STK3: variants seen among roughly 807,000 people sequenced by gnomAD.
STK3 encodes the protein serine/threonine kinase 3.
A neutral mutation model predicts 58.0 loss-of-function variants in STK3; 41 were observed. The observed-to-expected ratio is 0.71, with a 90% CI of 0.55 to 0.92. STK3 has a LOEUF of 0.92. Ranked by LOEUF, STK3 falls within the 40% of genes least tolerant of loss-of-function variation. The pLI is 0.00. For synonymous variants in STK3, 170 were observed against 191.0 expected (o/e 0.89, Z 0.91); for missense variants, 479 against 602.7 (o/e 0.79, Z 2.15).
intron 3 of STK3, among the ~76,000 whole-genome samples, chr8:98,408,043 T>C (rs1013914962): frequency 9.8e-5 from 15 of 152,304 alleles, no homozygotes; most frequent in Admixed American, 5.9e-4. Flanking sequence ...TGAGACGCAC[T>C]TGATGAGACC....
At chr8:98,609,645 A>G (rs935055753) in intron 6 of STK3, among the ~76,000 whole-genome samples, 5 of 152,208 alleles carry the variant, frequency 3.3e-5, no homozygotes, top group Non-Finnish European at 7.3e-5. Context: ...AATGTATCAG[A>G]AAACTTAAGG....
intron 6 of STK3, among the ~76,000 whole-genome samples, chr8:98,656,187 G>T (rs895597824): frequency 1.4e-4 from 21 of 152,160 alleles, no homozygotes; most frequent in African/African-American, 5.1e-4. Context: ...CCTTTGTAGG[G>T]ACATGGATGA....
At chr8:98,362,255 C>T in the STK3 span, among the ~76,000 whole-genome samples, 1 of 152,064 alleles carries the variant, frequency 6.6e-6, no homozygotes. Context: ...AAGGGAAATG[C>T]CCGGTTTGGA....
chr8:98,738,006 G>T (rs1011304904), intron 4 of STK3, among the ~76,000 whole-genome samples: 1 of 151,992 alleles, frequency 6.6e-6, no homozygotes, highest in African/African-American at 2.4e-5. Context: ...CACCGCACCC[G>T]GCCGAATGAT....
intron 1 of STK3, among the ~76,000 whole-genome samples, chr8:98,447,042 A>C (rs1258324534): frequency 2.0e-5 from 3 of 152,138 alleles, no homozygotes; most frequent in African/African-American, 7.2e-5. Flanking sequence ...AATGATGAGA[A>C]CACATGGACA....
chr8:98,902,000 A>G (rs1838675051), intron 1 of STK3, among the ~76,000 whole-genome samples: 2 of 152,208 alleles, frequency 1.3e-5, no homozygotes. Context: ...CTGCCCAGGA[A>G]GTCTCCAGAA....
At chr8:98,857,082 T>C (rs1260985763) in intron 3 of STK3, among the ~76,000 whole-genome samples, 1 of 152,168 alleles carries the variant, frequency 6.6e-6, no homozygotes, top group Non-Finnish European at 1.5e-5. Context: ...AGAGAGCAGA[T>C]AGCTAAAGAA....
At chr8:98,657,415 G>A (rs150088763) in intron 6 of STK3, among the ~76,000 whole-genome samples, 42 of 152,170 alleles carry the variant, frequency 2.8e-4, no homozygotes, top group Non-Finnish European at 3.1e-4. Context: ...ATGTTTTCTT[G>A]CTTCTCTGAT....
rs574456052 is a variant in STK3 at position 98,672,687 on chromosome 8, C to T, written c.684+33780G>A. ...ATTGCCTCAGTAAATCAAAAGAATGCTTTCCTATTAGCAAAGCCATATAAT... is the reference window on the plus strand; with the variant it reads ...ATTGCCTCAGTAAATCAAAAGAATGTTTTCCTATTAGCAAAGCCATATAAT... On this transcript the variant is annotated intron_variant, in intron 6 of 10. Coordinates refer to ENST00000419617, the MANE Select transcript of STK3 (RefSeq NM_006281.4). 7.1e-4 allele frequency among the ~76,000 whole-genome samples: 108 copies of T among 152,202 alleles called. No homozygotes were observed. In the South Asian group the frequency reaches 0.022, roughly 30 times the overall value.
rs1818746659 is a variant in STK3 at position 98,626,676 on chromosome 8, G to A, written c.685-30507C>T. On this transcript the variant is annotated intron_variant, in intron 6 of 10. Coordinates refer to ENST00000419617, the MANE Select transcript of STK3 (RefSeq NM_006281.4). ...AAAAGAAGTTTAAAAGAAACTAAATGTATTCTAATAAAGTAGAGACAATGA... is the reference window on the plus strand; with the variant it reads ...AAAAGAAGTTTAAAAGAAACTAAATATATTCTAATAAAGTAGAGACAATGA... Among the ~76,000 whole-genome samples, 8 of 152,302 alleles carry A rather than the reference G, an allele frequency of 5.3e-5. No homozygotes were observed. The South Asian group carries it at 1.7e-3, about 32-fold the overall frequency.
At chr8:98,741,284 G>C (rs1446954002) in intron 4 of STK3, among the ~76,000 whole-genome samples, 3 of 152,166 alleles carry the variant, frequency 2.0e-5, no homozygotes, top group Non-Finnish European at 4.4e-5. Flanking sequence ...CAAATCAACA[G>C]AATATACATT....
chr8:98,428,291 G>A lies in STK3; in HGVS notation n.483+5836C>T, dbSNP rs775559463. On this transcript the variant is annotated intron_variant and non_coding_transcript_variant, in intron 3 of 3. Coordinates refer to the STK3 transcript ENST00000517832. The surrounding 1 kb of genome is among the most constrained non-coding windows in gnomAD (Gnocchi z 6.7). The stretch of plus-strand genomic sequence containing the variant: ...TATGTGTCTTCTCCTTCAGCCAGGA[G>A]ATCGAGTACTGGGGCATCAACGAGT... 11 of 1,614,150 alleles carry A rather than the reference G, an allele frequency of 6.8e-6. No individual in the cohort carries two copies. Among genetic ancestry groups the A allele is most frequent in the African/African-American group, 5.3e-5 (4 of 75,050 alleles).
intron 6 of STK3, among the ~76,000 whole-genome samples, chr8:98,602,476 A>G (rs1816427870): frequency 6.6e-6 from 1 of 152,236 alleles, no homozygotes; most frequent in South Asian, 2.1e-4. Context: ...AGCCTCCAGA[A>G]CTGTGAGCAA....
intron 1 of STK3, among the ~76,000 whole-genome samples, chr8:98,383,198 C>G (rs1817755947): frequency 6.6e-6 from 1 of 152,190 alleles, no homozygotes; most frequent in African/African-American, 2.4e-5. Flanking sequence ...GCTCCTTGTC[C>G]TGGGAGATAG....
At chr8:98,904,816 C>T in intron 1 of STK3, 1 of 661,004 alleles carries the variant, frequency 1.5e-6, no homozygotes, top group Non-Finnish European at 2.9e-6. Flanking sequence ...GCTGAAGTGG[C>T]AGCAGCACAA....
chr8:98,857,366 A>G (rs956779990), intron 3 of STK3, among the ~76,000 whole-genome samples: 1 of 152,110 alleles, frequency 6.6e-6, no homozygotes, highest in Middle Eastern at 3.2e-3. Flanking sequence ...TTATTTTGCA[A>G]TTAATGAAGG....
At chr8:98,672,584 G>A (rs1382712725) in intron 6 of STK3, among the ~76,000 whole-genome samples, 1 of 152,098 alleles carries the variant, frequency 6.6e-6, no homozygotes, top group Non-Finnish European at 1.5e-5. Flanking sequence ...AAAAGAAAGA[G>A]GTTTGGGTTT....
chr8:98,699,324 G>A (rs1171826435), intron 6 of STK3, among the ~76,000 whole-genome samples: 4 of 152,160 alleles, frequency 2.6e-5, no homozygotes, highest in Non-Finnish European at 4.4e-5. Flanking sequence ...CCTGTAGCTT[G>A]GAGTAGTTTG....
chr8:98,350,958 A>G, the STK3 span, among the ~76,000 whole-genome samples: 1 of 152,344 alleles, frequency 6.6e-6, no homozygotes, highest in Middle Eastern at 3.4e-3. Flanking sequence ...AAATACTTTG[A>G]GCATCTAGAA....
Sources: gnomAD v4.1 joint callset for allele counts (sites outside exome capture counted in the v4.1 genomes callset) on GRCh38, gnomAD v4.1.1 for gene constraint, Gnocchi (gnomAD v3.1) non-coding constraint, MANE v1.5 for transcripts, NCBI Gene and HGNC (gene_info 2026-07-23, HGNC 2026-07-21) for gene names.